JPH3: variants seen among roughly 807,000 people sequenced by gnomAD.
JPH3 encodes junctophilin 3, also known as junctophilin-3.
A neutral mutation model predicts 59.6 loss-of-function variants in JPH3; 11 were observed. The ratio of observed to expected loss-of-function variants is 0.18; its 90% CI spans 0.12 to 0.31. JPH3 has a LOEUF of 0.31. Among genes scored for constraint, JPH3 ranks in the 10% least tolerant of loss-of-function variants. The probability of loss-of-function intolerance (pLI) is 1.00; values close to 1 mark genes in which losing one functional copy is unlikely to be tolerated. For missense variants in JPH3, 1,202 were observed against 1,105.7 expected, an observed-to-expected ratio of 1.09 and a Z score of -1.24; for synonymous variants, 673 against 483.6, an observed-to-expected ratio of 1.39 and a Z score of -5.14.
chr16:87,659,553 T>C (rs1037479580), intron 2 of JPH3, among the ~76,000 whole-genome samples: 1 of 151,908 alleles, frequency 6.6e-6, no homozygotes, highest in South Asian at 2.1e-4. Flanking sequence ...TGAAATTCCA[T>C]CTCTACTAAA....
chr16:87,666,824 T>C (rs1597276711), intron 2 of JPH3, among the ~76,000 whole-genome samples: 4 of 152,342 alleles, frequency 2.6e-5, no homozygotes, highest in East Asian at 3.9e-4. Context: ...CTACATTCTA[T>C]AGATGGGGAA....
Position 87,681,466 on chromosome 16 carries a change from G to A in JPH3, c.1161-2676G>A, listed in dbSNP as rs1426498144. 6.7e-5 allele frequency among the ~76,000 whole-genome samples: 9 copies of A among 135,040 alleles called. No homozygotes were observed. In the East Asian group the frequency reaches 2.1e-3, roughly 31 times the overall value. 88.6% of individuals were successfully genotyped at this position (135,040 alleles called of 152,430 possible). A position where few individuals can be genotyped will look rare whatever the true frequency, so the allele number is the denominator to read the frequency against. ...CAGTGCCGGGAGGTCAGGTGCGCGC[G>A]GTGGTGACAGTGCCGGGAGGTCAGG... On this transcript the variant is annotated intron_variant, in intron 2 of 4. Coordinates refer to ENST00000284262, the MANE Select transcript of JPH3 (RefSeq NM_020655.4).
chr16:87,619,377 C>A (rs2031088630), intron 1 of JPH3, among the ~76,000 whole-genome samples: 2 of 151,866 alleles, frequency 1.3e-5, no homozygotes, highest in South Asian at 4.2e-4. Flanking sequence ...TTTTCGTAGG[C>A]TGTAGACACC....
intron 2 of JPH3, among the ~76,000 whole-genome samples, chr16:87,656,318 C>T (rs893553074): frequency 6.6e-6 from 1 of 152,218 alleles, no homozygotes; most frequent in Non-Finnish European, 1.5e-5. Context: ...ACTGGATGCA[C>T]ACCTTCCTGA....
chr16:87,620,232 C>T (rs754561412), intron 1 of JPH3, among the ~76,000 whole-genome samples: 2 of 151,712 alleles, frequency 1.3e-5, no homozygotes, highest in South Asian at 2.1e-4. Context: ...AGAGACCTAT[C>T]GTGAGCAAGT....
In JPH3 at chr16:87,668,530, C is replaced by T. The variant is rs2032934111; in HGVS notation, c.1161-15612C>T. ...CGTCACACTCATCCTGCATCTGTTA[C>T]ACCAAATGCAGTTTCCTCTTCTATA... is the stretch of plus-strand genomic sequence containing the variant. On this transcript the variant is annotated intron_variant, in intron 2 of 4. Coordinates refer to ENST00000284262, the MANE Select transcript of JPH3 (RefSeq NM_020655.4). Among the ~76,000 whole-genome samples the T allele has an allele frequency of 2.0e-5, 3 of 152,202 alleles. No homozygotes were observed. The South Asian group carries it at 6.2e-4, about 32-fold the overall frequency.
At position 87,696,913 on chromosome 16, in the gene JPH3, G is replaced by A. The variant is rs1021635023; in HGVS notation, c.*253G>A. ...TGGCATGGCAGAAGGAGGCCAGCAC[G>A]CAGCCCCTCCAGCTCCACGTGGAGA... On this transcript the variant is annotated 3_prime_UTR_variant, in exon 5 of 5. Transcript: ENST00000284262. The A allele has an allele frequency of 1.1e-5, 5 of 473,994 alleles. No homozygotes were observed. In the East Asian group the frequency reaches 1.2e-4, roughly 12 times the overall value. 29.4% of individuals were successfully genotyped at this position (473,994 alleles called of 1,614,324 possible).
intron 4 of JPH3, chr16:87,694,044 C>A (rs1332169230): frequency 6.6e-6 from 1 of 152,268 alleles, no homozygotes. Flanking sequence ...AGAGCCTGTC[C>A]AGGCCACAGA....
chr16:87,647,286 A>C (rs1052475086), intron 2 of JPH3, among the ~76,000 whole-genome samples: 2 of 151,864 alleles, frequency 1.3e-5, no homozygotes, highest in Admixed American at 1.3e-4. Context: ...CACGGCTCCT[A>C]CTGAGTCCCC....
At chr16:87,680,646 A>G (rs569409651) in intron 2 of JPH3, among the ~76,000 whole-genome samples, 2 of 152,242 alleles carry the variant, frequency 1.3e-5, no homozygotes, top group East Asian at 3.9e-4. Context: ...TGCCTGTGCC[A>G]CCGTGGCCTG....
intron 2 of JPH3, among the ~76,000 whole-genome samples, chr16:87,674,380 G>A (rs1473347678): frequency 2.0e-5 from 3 of 152,172 alleles, no homozygotes; most frequent in African/African-American, 7.2e-5. Context: ...TGTGTGTGGT[G>A]GGCCAACACT....
At chr16:87,663,921 A>G (rs548155576) in intron 2 of JPH3, among the ~76,000 whole-genome samples, 7 of 152,260 alleles carry the variant, frequency 4.6e-5, no homozygotes, top group African/African-American at 1.7e-4. Context: ...GCGGTTTTGC[A>G]TGCAGTGATT....
intron 1 of JPH3, among the ~76,000 whole-genome samples, chr16:87,615,069 T>G (rs1216606880): frequency 6.7e-6 from 1 of 148,920 alleles, no homozygotes; most frequent in African/African-American, 2.5e-5. Flanking sequence ...CCTGCACACG[T>G]GAGGAGCTGT....
intron 4 of JPH3, 41 bp from the exon 5 acceptor site, chr16:87,696,539 C>T: frequency 6.4e-7 from 1 of 1,563,440 alleles, no homozygotes; most frequent in Non-Finnish European, 8.8e-7. Context: ...GGCAGAGCCC[C>T]CCGCAGCTGT....
intron 2 of JPH3, among the ~76,000 whole-genome samples, chr16:87,665,555 CAG>C (rs1567606323): frequency 6.6e-6 from 1 of 152,222 alleles, no homozygotes; most frequent in Non-Finnish European, 1.5e-5. Context: ...CCCCACCTCA[CAG>C]ATGCTGAGAC....
intron 1 of JPH3, among the ~76,000 whole-genome samples, chr16:87,612,795 G>A (rs966325682): frequency 6.6e-6 from 1 of 151,992 alleles, no homozygotes; most frequent in Non-Finnish European, 1.5e-5. Context: ...GCGGGCGGAG[G>A]CCGAGGAGGT....
chr16:87,632,807 TG>T (rs1249409223), intron 1 of JPH3, among the ~76,000 whole-genome samples: 1 of 151,958 alleles, frequency 6.6e-6, no homozygotes, highest in Non-Finnish European at 1.5e-5. Context: ...ACAGCAGAAT[TG>T]CTTGAACCTG....
intron 2 of JPH3, chr16:87,653,544 AG>A (rs1292645424): frequency 6.6e-6 from 1 of 152,146 alleles, no homozygotes; most frequent in Non-Finnish European, 1.5e-5. Flanking sequence ...CCTGAAATGG[AG>A]GGGGATATTT....
intron 1 of JPH3, among the ~76,000 whole-genome samples, chr16:87,636,566 G>A (rs746555951): frequency 4.6e-5 from 7 of 152,232 alleles, no homozygotes; most frequent in Admixed American, 6.5e-5. Flanking sequence ...TGTTCCCGGC[G>A]CTTTGGTGCC....
Sources: gnomAD v4.1 joint callset for allele counts (sites outside exome capture counted in the v4.1 genomes callset) on GRCh38, gnomAD v4.1.1 for gene constraint, MANE v1.5 for transcripts, NCBI Gene and HGNC (gene_info 2026-07-23, HGNC 2026-07-21) for gene names.